Variants in XRN1 observed in about 807,000 individuals in gnomAD.
XRN1 encodes 5'-3' exoribonuclease 1.
Under a neutral mutation model 222.3 loss-of-function variants are expected in XRN1, and 67 were observed. The observed-to-expected ratio is 0.30, with a 90% CI of 0.25 to 0.37. The LOEUF (loss-of-function observed/expected upper bound fraction) is 0.37, where lower values mean the gene tolerates loss of function less well. XRN1 is among the 10% of genes least tolerant of loss of function. XRN1 has a pLI of 1.00. For synonymous variants in XRN1, 643 were observed against 652.4 expected (o/e 0.99, Z 0.22); for missense variants, 1,707 against 2,000.2 (o/e 0.85, Z 2.80).
At chr3:142,388,082 A>C (rs778579583) in intron 20 of XRN1, among the ~76,000 whole-genome samples, 3 of 152,132 alleles carry the variant, frequency 2.0e-5, no homozygotes, top group Non-Finnish European at 4.4e-5. Context: ...GGCTAAGACA[A>C]TACTTTCATT....
Position 142,309,246 on chromosome 3 carries a change from C to G in XRN1, c.*2265G>C, listed in dbSNP as rs1053547793. ...TAAAACTTTTTTCTTTTTTTTGAGA[C>G]AGAGTCTTGCTCTGCTCTCCAGGCT... On this transcript the variant is annotated 3_prime_UTR_variant, in exon 41 of 41. Transcript: ENST00000392981. The G allele has an allele frequency of 6.6e-6, 1 of 151,906 alleles. No homozygotes were observed. Among genetic ancestry groups the G allele is most frequent in the Non-Finnish European group, 1.5e-5 (1 of 67,996 alleles). 9.4% of individuals were successfully genotyped at this position (151,906 alleles called of 1,614,324 possible).
intron 15 of XRN1, among the ~76,000 whole-genome samples, chr3:142,411,772 C>A (rs142194019): frequency 0.012 from 1,798 of 151,346 alleles, 19 homozygotes; most frequent in African/African-American, 0.031. Context: ...TAATTTAATT[C>A]TATGAGTAGG....
intron 40 of XRN1, among the ~76,000 whole-genome samples, chr3:142,312,111 C>CA (rs1180351676): frequency 1.3e-5 from 2 of 151,862 alleles, no homozygotes; most frequent in Admixed American, 6.6e-5. Flanking sequence ...CCCATCTCTA[C>CA]AAAAAAATTA....
chr3:142,437,631 G>C (rs2069976542), intron 1 of XRN1, among the ~76,000 whole-genome samples: 1 of 152,036 alleles, frequency 6.6e-6, no homozygotes, highest in Non-Finnish European at 1.5e-5. Flanking sequence ...ACATTGGTCT[G>C]GGCAAAAATG....
intron 1 of XRN1, among the ~76,000 whole-genome samples, chr3:142,439,786 T>G (rs201743908): frequency 6.6e-6 from 1 of 151,720 alleles, no homozygotes; most frequent in Non-Finnish European, 1.5e-5. Flanking sequence ...TCATGGCCCT[T>G]AGGCAAGTGG....
Position 142,335,681 on chromosome 3 carries a change from A to C in XRN1, c.3878-172T>G, listed in dbSNP as rs542694606. Among the ~76,000 whole-genome samples, 3 of 152,300 alleles carry C rather than the reference A, an allele frequency of 2.0e-5. No individual in the cohort carries two copies. In the East Asian group the frequency reaches 5.8e-4, roughly 29 times the overall value. On this transcript the variant is annotated intron_variant, in intron 33 of 40. Transcript: ENST00000392981. ...GATAAGGGGGAGAAGAGACACTTAG[A>C]TAATAATAGAGAAAATGGAAAGGTG...
chr3:142,432,745 A>C lies in XRN1; in HGVS notation c.224T>G (p.Ile75Ser). The change falls in exon 2 of 41, where the codon ATT becomes AGT. Residue 75 changes from isoleucine to serine, a missense_variant. Physicochemically the swap from Ile to Ser is moderately radical, Grantham distance 142. This residue lies in a region of XRN1 where 1,234 missense variants were observed against 1,518.2 expected (regional missense o/e 0.81). Transcript: ENST00000392981. Reference sequence around the variant, plus strand: ...CATAAAGAACACTTTCCTGGGTTTAATAATGCGAAACAACACCTCCAGGTA... The same window carrying C: ...CATAAAGAACACTTTCCTGGGTTTACTAATGCGAAACAACACCTCCAGGTA... ...FHYLEVLFRI[I>S]KPRKVFFMAV... The C allele has an allele frequency of 6.2e-7, 1 of 1,613,774 alleles. No homozygotes were observed. The highest frequency in any genetic ancestry group is 8.5e-7 in the Non-Finnish European group (1 of 1,179,908).
chr3:142,339,651 G>GT (rs2065936562), intron 33 of XRN1, among the ~76,000 whole-genome samples: 2 of 152,134 alleles, frequency 1.3e-5, no homozygotes, highest in Non-Finnish European at 2.9e-5. Context: ...CAAAATAACT[G>GT]TTTTGGTCAG....
chr3:142,319,621 T>C (rs922182516), intron 37 of XRN1, among the ~76,000 whole-genome samples: 8 of 152,112 alleles, frequency 5.3e-5, no homozygotes, highest in African/African-American at 1.7e-4. Flanking sequence ...ATTGCCTGAT[T>C]AGTATACATT....
At chr3:142,391,851 C>A (rs1283261512) in intron 20 of XRN1, among the ~76,000 whole-genome samples, 1 of 150,504 alleles carries the variant, frequency 6.6e-6, no homozygotes, top group Non-Finnish European at 1.5e-5. Context: ...ATAATCTGAT[C>A]TATAACTTTT....
chr3:142,374,240 C>T (rs542955295), intron 25 of XRN1, among the ~76,000 whole-genome samples: 14 of 152,184 alleles, frequency 9.2e-5, no homozygotes, highest in African/African-American at 3.4e-4. Context: ...CCTAGGATGA[C>T]AGTACCAGGA....
At chr3:142,411,160 A>G (rs1326330941) in intron 15 of XRN1, among the ~76,000 whole-genome samples, 1 of 152,206 alleles carries the variant, frequency 6.6e-6, no homozygotes, top group Non-Finnish European at 1.5e-5. Context: ...ACCTTTTACT[A>G]TATGAAGGAA....
chr3:142,416,337 C>G (rs1196011880), intron 13 of XRN1, among the ~76,000 whole-genome samples: 1 of 152,110 alleles, frequency 6.6e-6, no homozygotes, highest in Non-Finnish European at 1.5e-5. Context: ...GGCACACCAC[C>G]ATGCCCAGCT....
chr3:142,358,994 T>A (rs1438365709), intron 30 of XRN1, among the ~76,000 whole-genome samples: 4 of 152,138 alleles, frequency 2.6e-5, no homozygotes, highest in African/African-American at 7.2e-5. Context: ...ATCCTCACAA[T>A]AACCTAGGGA....
chr3:142,321,687 T>G (rs1388713727), intron 37 of XRN1, among the ~76,000 whole-genome samples: 1 of 152,220 alleles, frequency 6.6e-6, no homozygotes, highest in Non-Finnish European at 1.5e-5. Context: ...TTTCCTTTGT[T>G]ACTTTTATTC....
chr3:142,406,858 G>C (rs927217634), intron 15 of XRN1, among the ~76,000 whole-genome samples: 1 of 152,154 alleles, frequency 6.6e-6, no homozygotes. Context: ...CAGTTGTTAA[G>C]ATATAACAAA....
At position 142,384,286 on chromosome 3, in the gene XRN1, A is replaced by G. The variant is rs1173280732; in HGVS notation, c.2502+237T>C. 1.7e-4 allele frequency among the ~76,000 whole-genome samples: 24 copies of G among 144,922 alleles called. No homozygotes were observed. In the East Asian group the frequency reaches 3.4e-3, roughly 20 times the overall value. On this transcript the variant is annotated intron_variant, in intron 21 of 40. Transcript: ENST00000392981. ...GACTCTGTCTCAAAAAAAAAAAAAG[A>G]AAAAAAAAAAAGCATACGAAAGCAT... is the stretch of plus-strand genomic sequence containing the variant.
chr3:142,434,859 C>T (rs1404409143), intron 1 of XRN1, among the ~76,000 whole-genome samples: 1 of 152,048 alleles, frequency 6.6e-6, no homozygotes, highest in Non-Finnish European at 1.5e-5. Flanking sequence ...AAAAATAAAA[C>T]TCCATCTTAC....
At chr3:142,446,347 T>A (rs1336104299) in intron 1 of XRN1, among the ~76,000 whole-genome samples, 1 of 152,202 alleles carries the variant, frequency 6.6e-6, no homozygotes, top group Non-Finnish European at 1.5e-5. Context: ...ATCACAACAA[T>A]GAACCAAATT....
Sources: gnomAD v4.1 joint callset for allele counts (sites outside exome capture counted in the v4.1 genomes callset) on GRCh38, gnomAD v4.1.1 for gene constraint, gnomAD v4.1.1 regional missense constraint, MANE v1.5 for transcripts, NCBI Gene and HGNC (gene_info 2026-07-23, HGNC 2026-07-21) for gene names.